CORIN: variants seen among roughly 807,000 people sequenced by gnomAD.
CORIN encodes the protein atrial natriuretic peptide-converting enzyme.
In CORIN, 117 loss-of-function variants were observed where a neutral mutation model predicts 125.3. The observed-to-expected ratio is 0.93, with a 90% CI of 0.80 to 1.09. The LOEUF (loss-of-function observed/expected upper bound fraction) is 1.09, where lower values mean the gene tolerates loss of function less well. CORIN is among the 50% of genes least tolerant of loss of function. The pLI is 0.00. For synonymous variants in CORIN, 450 were observed against 466.4 expected, an observed-to-expected ratio of 0.96 and a Z score of 0.45; for missense variants, 1,253 against 1,306.7, an observed-to-expected ratio of 0.96 and a Z score of 0.63.
chr4:47,739,227 A>G (rs1234059518), intron 5 of CORIN, among the ~76,000 whole-genome samples: 1 of 145,464 alleles, frequency 6.9e-6, no homozygotes, highest in African/African-American at 2.5e-5. Context: ...AATAAACTCT[A>G]AAGGATCTAC....
chr4:47,802,612 A>G (rs987459772), intron 2 of CORIN, among the ~76,000 whole-genome samples: 6 of 152,188 alleles, frequency 3.9e-5, no homozygotes, highest in African/African-American at 1.4e-4. Flanking sequence ...AACACCAGCT[A>G]AAGTTCTAAG....
intron 19 of CORIN, among the ~76,000 whole-genome samples, chr4:47,613,537 A>G (rs1721950089): frequency 1.3e-5 from 2 of 152,180 alleles, no homozygotes; most frequent in African/African-American, 4.8e-5. Context: ...TATTCACAAT[A>G]GCAAAGACTT....
Position 47,747,511 on chromosome 4 carries a change from A to G in CORIN, c.618-2928T>C, listed in dbSNP as rs189308387. On this transcript the variant is annotated intron_variant, in intron 4 of 21. Coordinates refer to ENST00000273857, the MANE Select transcript of CORIN (RefSeq NM_006587.4). ...GAACTGAGTTATTTTATTTTATTTT[A>G]TTTCATTTCATTTCATTTCATTTTA... Among the ~76,000 whole-genome samples, 8 of 136,640 alleles carry G rather than the reference A, an allele frequency of 5.9e-5. No individual in the cohort carries two copies. The East Asian group carries it at 9.7e-4, about 16-fold the overall frequency. The allele number at this position is 136,640 out of a possible 152,430, so 89.6% of individuals were successfully genotyped here.
intron 16 of CORIN, among the ~76,000 whole-genome samples, chr4:47,640,048 C>T (rs1723176527): frequency 6.6e-6 from 1 of 152,298 alleles, no homozygotes. Context: ...AACCACACCT[C>T]TATCTCAGAT....
rs1252209472 is a variant in CORIN at position 47,786,670 on chromosome 4, A to G, written c.409+55T>C. The G allele has an allele frequency of 7.7e-6, 11 of 1,435,630 alleles. 1 individual carries two copies. The African/African-American group carries it at 1.1e-4, about 15-fold the overall frequency. 88.9% of individuals were successfully genotyped at this position (1,435,630 alleles called of 1,614,324 possible). ...CTAAAAGCATTGGTTGCCAAACTTA[A>G]AAACCTACCTGTGGGACATTAAAAG... On this transcript the variant is annotated intron_variant, in intron 3 of 21. Transcript: ENST00000273857.
chr4:47,603,765 G>A, intron 19 of CORIN, 97 bp from the exon 20 acceptor site: 1 of 1,379,912 alleles, frequency 7.2e-7, no homozygotes, highest in Non-Finnish European at 9.8e-7. Flanking sequence ...TGTAAATAAT[G>A]GCCATTTTCA....
chr4:47,638,056 G>A (rs1298363266), intron 16 of CORIN, among the ~76,000 whole-genome samples: 2 of 152,226 alleles, frequency 1.3e-5, no homozygotes, highest in African/African-American at 4.8e-5. Flanking sequence ...TGCAAGACAT[G>A]GAGTCAAAGG....
chr4:47,739,695 A>G (rs1728300894), intron 5 of CORIN, among the ~76,000 whole-genome samples: 2 of 151,980 alleles, frequency 1.3e-5, no homozygotes, highest in African/African-American at 4.8e-5. Flanking sequence ...ATCCTATCTG[A>G]TTCTTAAAAA....
At chr4:47,601,716 A>G (rs903581246) in intron 20 of CORIN, among the ~76,000 whole-genome samples, 3 of 151,770 alleles carry the variant, frequency 2.0e-5, no homozygotes, top group Non-Finnish European at 2.9e-5. Flanking sequence ...CATAGCTTTG[A>G]AAAAAAACAG....
rs549583638 is a variant in CORIN, at chr4:47,608,797, C to T, written c.2541-5129G>A. ...ACTATAGCATCCAGAGGAATTTATA[C>T]AGAATTGCAGGCACAATGTCTCTGG... On this transcript the variant is annotated intron_variant, in intron 19 of 21. Coordinates refer to ENST00000273857, the MANE Select transcript of CORIN (RefSeq NM_006587.4). 4.6e-5 allele frequency among the ~76,000 whole-genome samples: 7 copies of T among 152,254 alleles called. No homozygotes were observed. In the South Asian group the frequency reaches 1.2e-3, roughly 27 times the overall value.
chr4:47,643,004 T>C (rs759687351), intron 15 of CORIN, 142 bp downstream of exon 15: 8 of 1,540,016 alleles, frequency 5.2e-6, no homozygotes, highest in Middle Eastern at 1.7e-4. Flanking sequence ...CACACATAGA[T>C]CAGCACTATC....
intron 17 of CORIN, among the ~76,000 whole-genome samples, 182 bp from the exon 18 acceptor site, chr4:47,624,130 G>A (rs1345036336): frequency 6.6e-6 from 1 of 152,198 alleles, no homozygotes; most frequent in Non-Finnish European, 1.5e-5. Context: ...CTCAAGGCAG[G>A]AGTGTGGTCA....
At chr4:47,807,777 G>A (rs968120735) in intron 1 of CORIN, among the ~76,000 whole-genome samples, 34 of 152,134 alleles carry the variant, frequency 2.2e-4, no homozygotes, top group Admixed American at 1.9e-3. Flanking sequence ...TGCCAGAAAT[G>A]ATATCTGGAA....
In CORIN at chr4:47,595,805, C is replaced by T. The variant is rs149797753; in HGVS notation, c.3045G>A (p.Leu1015=). 345 of 1,613,810 alleles carry T rather than the reference C, an allele frequency of 2.1e-4. 3 individuals carry two copies. The African/African-American group carries it at 4.1e-3, about 19-fold the overall frequency. Residue 1015 remains leucine (L), a synonymous_variant, in exon 22 of 22, where the codon CTG becomes CTA. Transcript: ENST00000273857. ...SWGSVCFSKV[L]GPGVYSNVSY... The stretch of plus-strand genomic sequence containing the variant: ...ACACATTACTATAAACGCCAGGCCC[C>T]AGGACTTTGGAAAAGCAGACGGAGC...
intron 5 of CORIN, among the ~76,000 whole-genome samples, chr4:47,696,570 A>C (rs892393161): frequency 6.6e-6 from 1 of 152,204 alleles, no homozygotes; most frequent in Non-Finnish European, 1.5e-5. Context: ...TCCATTACAC[A>C]TGGGACAGTT....
At chr4:47,797,798 T>A (rs906366216) in intron 2 of CORIN, among the ~76,000 whole-genome samples, 12 of 152,076 alleles carry the variant, frequency 7.9e-5, no homozygotes, top group African/African-American at 2.9e-4. Context: ...TTGACTTCCA[T>A]AACAATTCTG....
intron 3 of CORIN, among the ~76,000 whole-genome samples, chr4:47,776,354 C>T (rs1041968223): frequency 6.6e-6 from 1 of 150,600 alleles, no homozygotes; most frequent in Non-Finnish European, 1.5e-5. Context: ...GGTGAGATCT[C>T]GGCTCACTTG....
At chr4:47,697,479 C>T (rs908425285) in intron 5 of CORIN, among the ~76,000 whole-genome samples, 5 of 152,002 alleles carry the variant, frequency 3.3e-5, no homozygotes, top group South Asian at 2.1e-4. Flanking sequence ...TTTGGAAGGC[C>T]GAGGCGGGCA....
intron 3 of CORIN, among the ~76,000 whole-genome samples, chr4:47,779,052 G>A (rs1272288821): frequency 6.6e-6 from 1 of 152,166 alleles, no homozygotes; most frequent in Non-Finnish European, 1.5e-5. Flanking sequence ...CTGAAATTTA[G>A]TATAATTAAA....
Sources: allele counts gnomAD v4.1 joint callset (sites outside exome capture counted in the v4.1 genomes callset), GRCh38; gene constraint gnomAD v4.1.1; transcripts MANE v1.5; gene names NCBI Gene and HGNC (gene_info 2026-07-23, HGNC 2026-07-21).